SREK1IP1: variants seen among roughly 807,000 people sequenced by gnomAD.
SREK1IP1 encodes the protein SREK1 interacting protein 1, also known as protein SREK1IP1.
Under a neutral mutation model 22.8 loss-of-function variants are expected in SREK1IP1, and 12 were observed. The ratio of observed to expected loss-of-function variants is 0.53; its 90% CI spans 0.34 to 0.85. The LOEUF (loss-of-function observed/expected upper bound fraction) is 0.85, where lower values mean the gene tolerates loss of function less well. Ranked by LOEUF, SREK1IP1 falls within the 40% of genes least tolerant of loss-of-function variation. SREK1IP1 has a pLI of 0.02. For missense variants in SREK1IP1, 147 were observed against 171.8 expected (o/e 0.86, Z 0.81); for synonymous variants, 53 against 52.7 (o/e 1.01, Z -0.02).
intron 1 of SREK1IP1, among the ~76,000 whole-genome samples, chr5:64,755,256 G>A (rs1409337899): frequency 6.6e-6 from 1 of 151,452 alleles, no homozygotes; most frequent in Admixed American, 6.6e-5. Flanking sequence ...AAAGAAACAT[G>A]CACTCACATC....
At position 64,749,826 on chromosome 5, in the gene SREK1IP1, G is replaced by A. The variant is rs977696641; in HGVS notation, c.61+4489C>T. On this transcript the variant is annotated intron_variant, in intron 2 of 4. Coordinates refer to ENST00000513458, the MANE Select transcript of SREK1IP1 (RefSeq NM_173829.4). ...CATTGCCCCTTTCCTAGTCTTTTTC[G>A]ATAGATTCTTAAACATGTAACTGTC... is the stretch of plus-strand genomic sequence containing the variant. 3.3e-5 allele frequency among the ~76,000 whole-genome samples: 5 copies of A among 151,872 alleles called. No individual in the cohort carries two copies. The South Asian group carries it at 6.2e-4, about 19-fold the overall frequency.
chr5:64,766,377 T>A (rs910294141), intron 1 of SREK1IP1, among the ~76,000 whole-genome samples: 1 of 152,142 alleles, frequency 6.6e-6, no homozygotes, highest in South Asian at 2.1e-4. Flanking sequence ...TTTCCTCTTT[T>A]ACCTACCCAC....
In SREK1IP1 at chr5:64,724,402, A is replaced by C. The variant is rs1392314268; in HGVS notation, c.450T>G (p.Ser150=). The C allele has an allele frequency of 6.4e-7, 1 of 1,557,488 alleles. No homozygotes were observed. Among genetic ancestry groups the C allele is most frequent in the African/African-American group, 1.4e-5 (1 of 72,072 alleles). Residue 150 remains serine, a synonymous_variant, in exon 5 of 5, where the codon TCT becomes TCG. Transcript: ENST00000513458. ...GTCTCAGTTACTTTCTGGAGAATTC[A>C]GAACTATTAGGTGTAGAAGAATGCT... ...KEKHSSTPNS[S]EFSRK is the part of the protein sequence containing the mutation.
At chr5:64,749,216 A>G (rs1326807419) in intron 2 of SREK1IP1, among the ~76,000 whole-genome samples, 1 of 151,844 alleles carries the variant, frequency 6.6e-6, no homozygotes, top group East Asian at 1.9e-4. Flanking sequence ...CCAAATGTCT[A>G]CTTCTGGGCT....
intron 1 of SREK1IP1, among the ~76,000 whole-genome samples, chr5:64,759,109 A>T (rs1742900964): frequency 6.6e-6 from 1 of 152,190 alleles, no homozygotes; most frequent in African/African-American, 2.4e-5. Flanking sequence ...TGGCAGTAGC[A>T]GCCCTAACCA....
intron 4 of SREK1IP1, 112 bp downstream of exon 4, chr5:64,727,995 G>T (rs1742303984): frequency 1.0e-6 from 1 of 963,320 alleles, no homozygotes; most frequent in Non-Finnish European, 1.3e-6. Flanking sequence ...GAAAAGCTTA[G>T]TTGTTGAAGA....
chr5:64,755,065 T>C (rs1431461629), intron 1 of SREK1IP1, among the ~76,000 whole-genome samples: 2 of 152,092 alleles, frequency 1.3e-5, no homozygotes, highest in East Asian at 3.9e-4. Flanking sequence ...AAACAACAGA[T>C]ATTGGTGAGG....
chr5:64,755,711 TAAAAG>T (rs1162361906), intron 1 of SREK1IP1, among the ~76,000 whole-genome samples: 4 of 150,522 alleles, frequency 2.7e-5, no homozygotes, highest in Admixed American at 1.3e-4. Flanking sequence ...AGTTGAAAAA[TAAAAG>T]AAAGTAAAAA....
At chr5:64,760,102 G>C (rs1032086281) in intron 1 of SREK1IP1, among the ~76,000 whole-genome samples, 2 of 152,122 alleles carry the variant, frequency 1.3e-5, no homozygotes, top group African/African-American at 4.8e-5. Flanking sequence ...TACGGAACTG[G>C]CTAAATCAAT....
intron 2 of SREK1IP1, among the ~76,000 whole-genome samples, chr5:64,752,158 T>TTTG (rs1742756754): frequency 7.1e-6 from 1 of 141,542 alleles, no homozygotes; most frequent in Admixed American, 7.1e-5. Flanking sequence ...TTTTTTTTTT[T>TTTG]TTTTTTTTTT....
intron 2 of SREK1IP1, among the ~76,000 whole-genome samples, chr5:64,747,230 C>T (rs919126984): frequency 6.6e-6 from 1 of 152,150 alleles, no homozygotes; most frequent in Non-Finnish European, 1.5e-5. Flanking sequence ...AATTCAATCT[C>T]TAGCTCCTCA....
At chr5:64,739,891 A>G (rs539636776) in intron 3 of SREK1IP1, among the ~76,000 whole-genome samples, 2 of 152,190 alleles carry the variant, frequency 1.3e-5, no homozygotes, top group South Asian at 4.1e-4. Flanking sequence ...CATAATATGG[A>G]AAGCTTGATA....
rs1435226318 is a variant in SREK1IP1, at chr5:64,720,085, A to C, written c.*4299T>G. On this transcript the variant is annotated 3_prime_UTR_variant, in exon 5 of 5. Coordinates refer to ENST00000513458, the MANE Select transcript of SREK1IP1 (RefSeq NM_173829.4). ...TTCACAGGTTAAGCCAAATTTTAAA[A>C]GCAAGGGGCCTTATTAAATTACAGC... is the stretch of plus-strand genomic sequence containing the variant. The C allele has an allele frequency of 6.6e-6, 1 of 152,248 alleles. No homozygotes were observed. Among genetic ancestry groups the C allele is most frequent in the African/African-American group, 2.4e-5 (1 of 41,474 alleles). 9.4% of individuals were successfully genotyped at this position (152,248 alleles called of 1,614,324 possible).
intron 2 of SREK1IP1, among the ~76,000 whole-genome samples, chr5:64,746,650 A>G (rs74368608): frequency 0.064 from 9,815 of 152,238 alleles, 1,048 homozygotes; most frequent in African/African-American, 0.23. Context: ...CTTCATACCT[A>G]TGAGGATGAT....
intron 1 of SREK1IP1, among the ~76,000 whole-genome samples, chr5:64,761,278 C>A (rs1277655201): frequency 6.6e-6 from 1 of 152,122 alleles, no homozygotes; most frequent in Non-Finnish European, 1.5e-5. Context: ...CAACTCAGTG[C>A]TTACCATGAT....
intron 1 of SREK1IP1, among the ~76,000 whole-genome samples, chr5:64,760,455 T>G (rs1429711485): frequency 6.6e-6 from 1 of 152,138 alleles, no homozygotes; most frequent in African/African-American, 2.4e-5. Flanking sequence ...CCTCATACAA[T>G]GGGCCCCAGT....
At chr5:64,757,495 G>A (rs1434412140) in intron 1 of SREK1IP1, among the ~76,000 whole-genome samples, 1 of 152,196 alleles carries the variant, frequency 6.6e-6, no homozygotes, top group African/African-American at 2.4e-5. Context: ...AAAAATTTGA[G>A]CATAATGTGA....
rs1291972462 is a variant in SREK1IP1, at chr5:64,731,527, A to G, written c.206-3348T>C. On this transcript the variant is annotated intron_variant, in intron 3 of 4. Transcript: ENST00000513458. ...ACAGAGTGGGCCCTTGTCTCAAAAA[A>G]AAAAAAAAAAAGAGGACAGGAATCT... Among the ~76,000 whole-genome samples, 4 of 151,446 alleles carry G rather than the reference A, an allele frequency of 2.6e-5. No individual in the cohort carries two copies. In the East Asian group the frequency reaches 7.7e-4, roughly 29 times the overall value.
intron 2 of SREK1IP1, among the ~76,000 whole-genome samples, chr5:64,751,500 AT>A (rs754193496): frequency 1.5e-4 from 23 of 152,354 alleles, no homozygotes; most frequent in Admixed American, 8.5e-4. Context: ...AAGGAAAAAA[AT>A]AATCTAAAAT....
Sources: allele counts gnomAD v4.1 joint callset (sites outside exome capture counted in the v4.1 genomes callset), GRCh38; gene constraint gnomAD v4.1.1; transcripts MANE v1.5; gene names NCBI Gene and HGNC (gene_info 2026-07-23, HGNC 2026-07-21).